Variants in ATXN1 observed in about 807,000 individuals in gnomAD.
The protein encoded by ATXN1 is ataxin-1.
ATXN1 carries 8 observed loss-of-function variants against 56.4 expected under a neutral mutation model. The ratio of observed to expected loss-of-function variants is 0.14; its 90% confidence interval spans 0.08 to 0.26. The LOEUF (loss-of-function observed/expected upper bound fraction) is 0.26, where lower values mean the gene tolerates loss of function less well. Ranked by LOEUF, ATXN1 falls within the 10% of genes least tolerant of loss-of-function variation. The pLI is 1.00. For missense variants in ATXN1, 987 were observed against 1,106.5 expected, an observed-to-expected ratio of 0.89 and a Z score of 1.53; for synonymous variants, 514 against 494.6, an observed-to-expected ratio of 1.04 and a Z score of -0.52.
chr6:16,357,405 G>A (rs1761714479), intron 6 of ATXN1, among the ~76,000 whole-genome samples: 1 of 152,006 alleles, frequency 6.6e-6, no homozygotes, highest in African/African-American at 2.4e-5. Flanking sequence ...GAGTAGCTGG[G>A]ACTACAGGTG....
intron 2 of ATXN1, among the ~76,000 whole-genome samples, chr6:16,660,972 A>G (rs945257882): frequency 1.7e-4 from 26 of 150,374 alleles, no homozygotes; most frequent in African/African-American, 6.4e-4. Flanking sequence ...CCAAGTAGCT[A>G]GGATCATAGG....
chr6:16,488,502 G>A (rs1439855241), intron 5 of ATXN1, among the ~76,000 whole-genome samples: 4 of 152,172 alleles, frequency 2.6e-5, no homozygotes, highest in East Asian at 1.9e-4. Flanking sequence ...CACATGAGCC[G>A]CAAGCAAGGT....
chr6:16,500,246 C>A (rs567500163), intron 5 of ATXN1, among the ~76,000 whole-genome samples: 1 of 152,276 alleles, frequency 6.6e-6, no homozygotes, highest in Admixed American at 6.5e-5. Flanking sequence ...GTTTATTGTT[C>A]CCATATGACA....
In ATXN1 at chr6:16,728,779, G is replaced by C. The variant is rs1439983695; in HGVS notation, c.-615+24454C>G. On this transcript the variant is annotated intron_variant, in intron 2 of 7. Coordinates refer to ENST00000436367, the MANE Select transcript of ATXN1 (RefSeq NM_001128164.2). ...TGTCAAGGCTGGTATTCGAACTAGA[G>C]AGATATCAAAATTCTGGTATACCCA... is the stretch of plus-strand genomic sequence containing the variant. Among the ~76,000 whole-genome samples the C allele has an allele frequency of 3.3e-5, 5 of 152,160 alleles. No homozygotes were observed. In the East Asian group the frequency reaches 5.8e-4, roughly 18 times the overall value.
chr6:16,602,859 C>T (rs1035949831), intron 3 of ATXN1, among the ~76,000 whole-genome samples: 20 of 152,136 alleles, frequency 1.3e-4, no homozygotes, highest in Non-Finnish European at 2.1e-4. Flanking sequence ...GCTTTGACAT[C>T]ACAAACTGGG....
intron 5 of ATXN1, 135 bp downstream of exon 5, chr6:16,522,492 G>A (rs1278235305): frequency 2.0e-5 from 3 of 152,054 alleles, no homozygotes; most frequent in African/African-American, 7.2e-5. Flanking sequence ...CAAAGAATAG[G>A]AAAAATACCT....
rs528795526 is a variant in ATXN1 at position 16,545,129 on chromosome 6, G to C, written c.-360-22441C>G. Among the ~76,000 whole-genome samples, 3 of 152,186 alleles carry C rather than the reference G, an allele frequency of 2.0e-5. No homozygotes were observed. The East Asian group carries it at 5.8e-4, about 29-fold the overall frequency. On this transcript the variant is annotated intron_variant, in intron 4 of 7. Coordinates refer to ENST00000436367, the MANE Select transcript of ATXN1 (RefSeq NM_001128164.2). ...TCCTTTCTTGAAACATAGCTGATGAGGCCACTAATAGAAGCTTCTTGGAAA... is the reference window on the plus strand; with the variant it reads ...TCCTTTCTTGAAACATAGCTGATGACGCCACTAATAGAAGCTTCTTGGAAA...
chr6:16,455,431 G>A (rs1759846381), intron 6 of ATXN1, among the ~76,000 whole-genome samples: 1 of 152,202 alleles, frequency 6.6e-6, no homozygotes, highest in South Asian at 2.1e-4. Flanking sequence ...TGCTGGCAAG[G>A]ATGCAGAGCC....
chr6:16,306,470 C>G lies in ATXN1; in HGVS notation c.2307G>C (p.Thr769=). 2 of 1,614,198 alleles carry G rather than the reference C, an allele frequency of 1.2e-6. No homozygotes were observed. The highest frequency in any genetic ancestry group is 1.1e-5 in the South Asian group (1 of 91,082). Residue 769 remains threonine, a synonymous_variant, in exon 8 of 8, where the codon ACG becomes ACC. Transcript: ENST00000436367. The surrounding 1 kb of genome is among the most constrained non-coding windows in gnomAD (Gnocchi z 5.2). ...TKIEPSKPAA[T]RKRRWSAPES... ...CTGGCGCCGACCACCTCCTCTTCCT[C>G]GTTGCCGCGGGCTTGCTGGGTTCTA...
At chr6:16,436,017 C>T (rs1454039111) in intron 6 of ATXN1, among the ~76,000 whole-genome samples, 1 of 152,112 alleles carries the variant, frequency 6.6e-6, no homozygotes, top group Non-Finnish European at 1.5e-5. Context: ...CCTGCCTTAG[C>T]CTCCTGAGTG....
chr6:16,519,809 T>C (rs1003021631), intron 5 of ATXN1, among the ~76,000 whole-genome samples: 2 of 152,196 alleles, frequency 1.3e-5, no homozygotes, highest in Non-Finnish European at 2.9e-5. Flanking sequence ...CCTACAGGCA[T>C]TGCCTTGTCT....
At chr6:16,321,978 T>C (rs1474579230) in intron 7 of ATXN1, among the ~76,000 whole-genome samples, 1 of 152,172 alleles carries the variant, frequency 6.6e-6, no homozygotes, top group Non-Finnish European at 1.5e-5. Flanking sequence ...TCCCAGCATT[T>C]TGGGAGACCG....
intron 5 of ATXN1, among the ~76,000 whole-genome samples, chr6:16,490,016 T>C (rs1760629252): frequency 6.6e-6 from 1 of 151,998 alleles, no homozygotes; most frequent in Non-Finnish European, 1.5e-5. Context: ...AGGTTAAATG[T>C]TTCTGTCAAT....
At chr6:16,545,789 G>A (rs762959513) in intron 4 of ATXN1, among the ~76,000 whole-genome samples, 4 of 152,186 alleles carry the variant, frequency 2.6e-5, no homozygotes, top group Non-Finnish European at 5.9e-5. Flanking sequence ...TGGTAGCAAA[G>A]AAAGCCTGAA....
chr6:16,502,136 G>A (rs1760897104), intron 5 of ATXN1, among the ~76,000 whole-genome samples: 1 of 152,176 alleles, frequency 6.6e-6, no homozygotes, highest in Admixed American at 6.5e-5. Flanking sequence ...TAATTGTAGT[G>A]AATCTGTCAA....
At chr6:16,373,594 G>T (rs561927660) in intron 6 of ATXN1, among the ~76,000 whole-genome samples, 1 of 152,294 alleles carries the variant, frequency 6.6e-6, no homozygotes, top group South Asian at 2.1e-4. Context: ...GGAGGGACCT[G>T]CTGGGAGACA....
At chr6:16,619,621 C>T (rs1763282088) in intron 3 of ATXN1, among the ~76,000 whole-genome samples, 4 of 152,126 alleles carry the variant, frequency 2.6e-5, no homozygotes, top group African/African-American at 7.2e-5. Flanking sequence ...TTATCGTATG[C>T]GTGATCTGCT....
At chr6:16,558,700 A>C (rs1445897474) in intron 4 of ATXN1, among the ~76,000 whole-genome samples, 2 of 152,226 alleles carry the variant, frequency 1.3e-5, no homozygotes, top group Admixed American at 6.5e-5. Flanking sequence ...TACTAATAAA[A>C]AATACGAGAC....
intron 4 of ATXN1, among the ~76,000 whole-genome samples, chr6:16,569,635 G>C (rs954924702): frequency 6.6e-6 from 1 of 152,024 alleles, no homozygotes; most frequent in Non-Finnish European, 1.5e-5. Context: ...GCCAAATCTC[G>C]GGTGGGGCTG....
Sources: allele counts gnomAD v4.1 joint callset (sites outside exome capture counted in the v4.1 genomes callset), GRCh38; gene constraint gnomAD v4.1.1; non-coding constraint Gnocchi (gnomAD v3.1); transcripts MANE v1.5; gene names NCBI Gene and HGNC (gene_info 2026-07-23, HGNC 2026-07-21).